Variants in OLFM3 observed in about 807,000 individuals in gnomAD.
The protein encoded by OLFM3 is olfactomedin 3, also known as noelin-3.
In OLFM3, 20 loss-of-function variants were observed where a neutral mutation model predicts 48.6. That is an observed-to-expected ratio of 0.41 (90% CI 0.29 to 0.60). The LOEUF is 0.60. Ranked by LOEUF, OLFM3 falls within the 20% of genes least tolerant of loss-of-function variation. The pLI is 0.28. For synonymous variants in OLFM3, 222 were observed against 198.1 expected, an observed-to-expected ratio of 1.12 and a Z score of -1.01; for missense variants, 437 against 544.3, an observed-to-expected ratio of 0.80 and a Z score of 1.96.
chr1:101,901,707 T>C (rs1485876997), intron 1 of OLFM3, among the ~76,000 whole-genome samples: 1 of 152,068 alleles, frequency 6.6e-6, no homozygotes, highest in Non-Finnish European at 1.5e-5. Context: ...TTTACAGACC[T>C]GACAGATAAT....
intron 1 of OLFM3, among the ~76,000 whole-genome samples, chr1:101,862,068 T>G (rs980631933): frequency 7.2e-5 from 11 of 152,194 alleles, no homozygotes; most frequent in African/African-American, 2.7e-4. Context: ...GTAAAGAGAT[T>G]AACATCAGGC....
At chr1:101,884,850 G>A (rs1037366197) in intron 1 of OLFM3, among the ~76,000 whole-genome samples, 1 of 151,914 alleles carries the variant, frequency 6.6e-6, no homozygotes, top group Non-Finnish European at 1.5e-5. Flanking sequence ...AACCCCATGA[G>A]TTCAATACCA....
At chr1:101,907,467 G>C (rs1200224545) in intron 1 of OLFM3, among the ~76,000 whole-genome samples, 1 of 152,204 alleles carries the variant, frequency 6.6e-6, no homozygotes, top group African/African-American at 2.4e-5. Flanking sequence ...GCAGGCTATA[G>C]AGAAAAATAA....
chr1:101,865,144 T>C (rs1048567421), intron 1 of OLFM3, among the ~76,000 whole-genome samples: 1 of 152,202 alleles, frequency 6.6e-6, no homozygotes. Context: ...TACCATGGAC[T>C]TTCTGAGTGG....
Position 101,804,502 on chromosome 1 carries a change from C to T in OLFM3, c.1113G>A (p.Lys371=). The stretch of plus-strand genomic sequence containing the variant: ...TCATGAAAGATTCCCCTGCACTTCT[C>T]TTGGGGTAGCCAGTGCTCCAGCTCT... ...VMKSWSTGYP[K]RSAGESFMIC... The change falls in exon 6 of 6, where the codon AAG becomes AAA. Residue 371 remains lysine, a synonymous_variant. Transcript: ENST00000370103. The surrounding 1 kb of genome is among the most constrained non-coding windows in gnomAD (Gnocchi z 4.5). The T allele has an allele frequency of 6.2e-7, 1 of 1,612,688 alleles. No individual in the cohort carries two copies. Among genetic ancestry groups the T allele is most frequent in the South Asian group, 1.1e-5 (1 of 91,060 alleles).
chr1:101,928,867 C>T (rs989979990), intron 1 of OLFM3, among the ~76,000 whole-genome samples: 1 of 152,208 alleles, frequency 6.6e-6, no homozygotes, highest in South Asian at 2.1e-4. Flanking sequence ...ATTAAAATGA[C>T]TTGCCTGAGA....
intron 1 of OLFM3, among the ~76,000 whole-genome samples, chr1:101,892,291 C>T (rs1405436778): frequency 1.3e-5 from 2 of 151,928 alleles, no homozygotes; most frequent in Admixed American, 6.6e-5. Context: ...CTTTTGTATT[C>T]TCCATAAACC....
intron 1 of OLFM3, among the ~76,000 whole-genome samples, chr1:101,867,399 T>C (rs1408897294): frequency 6.6e-6 from 1 of 152,230 alleles, no homozygotes; most frequent in Non-Finnish European, 1.5e-5. Flanking sequence ...GTTCTTAATG[T>C]TCTTAATATG....
chr1:101,932,319 A>G (rs954022808), intron 1 of OLFM3, among the ~76,000 whole-genome samples: 14 of 152,202 alleles, frequency 9.2e-5, no homozygotes, highest in Non-Finnish European at 1.9e-4. Flanking sequence ...GACTGAGAAA[A>G]GTATTACATA....
At chr1:101,886,860 A>G (rs1657780575) in intron 1 of OLFM3, among the ~76,000 whole-genome samples, 1 of 152,118 alleles carries the variant, frequency 6.6e-6, no homozygotes, top group African/African-American at 2.4e-5. Context: ...CAATTTATTC[A>G]TTAAACATTT....
At chr1:101,952,195 C>A (rs1660163469) in intron 1 of OLFM3, among the ~76,000 whole-genome samples, 3 of 152,160 alleles carry the variant, frequency 2.0e-5, no homozygotes, top group African/African-American at 7.2e-5. Context: ...AAGCCTGCCT[C>A]TATAAAGAAA....
At chr1:101,871,256 C>A (rs958016835) in intron 1 of OLFM3, among the ~76,000 whole-genome samples, 1 of 151,934 alleles carries the variant, frequency 6.6e-6, no homozygotes, top group African/African-American at 2.4e-5. Flanking sequence ...TGTCACTTAA[C>A]TATAAATCTC....
chr1:101,804,419 G>C lies in OLFM3; in HGVS notation c.1196C>G (p.Ser399Cys). Reference sequence around the variant, plus strand: ...ATATGTGGAGGTTTTGGTGGAATAGGAATAATACACCTTGGCTCCAGTTAA... The same window carrying C: ...ATATGTGGAGGTTTTGGTGGAATAGCAATAATACACCTTGGCTCCAGTTAA... ...SHLTGAKVYY[S>C]YSTKTSTYEY... is the part of the protein sequence containing the mutation. Residue 399 changes from serine (S) to cysteine (C), a missense_variant, in exon 6 of 6, where the codon TCC becomes TGC. By Grantham distance (112) the Ser-to-Cys change is moderately radical. Coordinates refer to ENST00000370103, the MANE Select transcript of OLFM3 (RefSeq NM_058170.4). This position sits in a 1 kb window ranked among gnomAD's most constrained non-coding sequence, Gnocchi z 4.5. The C allele has an allele frequency of 6.2e-7, 1 of 1,612,354 alleles. No individual in the cohort carries two copies. The highest frequency in any genetic ancestry group is 2.2e-5 in the East Asian group (1 of 44,824).
chr1:101,910,857 A>G (rs1381015918), intron 1 of OLFM3, among the ~76,000 whole-genome samples: 1 of 152,220 alleles, frequency 6.6e-6, no homozygotes, highest in East Asian at 1.9e-4. Context: ...AGATTACATA[A>G]CAGCTATATT....
chr1:101,880,757 G>A (rs1230070834), intron 1 of OLFM3, among the ~76,000 whole-genome samples: 1 of 151,814 alleles, frequency 6.6e-6, no homozygotes, highest in East Asian at 1.9e-4. Flanking sequence ...ATACCTTGGA[G>A]GAGAAAGTAA....
chr1:101,976,465 C>T (rs1022245431), intron 1 of OLFM3, among the ~76,000 whole-genome samples: 7 of 152,136 alleles, frequency 4.6e-5, no homozygotes, highest in South Asian at 2.1e-4. Flanking sequence ...CAATTACACA[C>T]GGATACAAAT....
At chr1:101,957,563 AATGTGACTGAAATAATAATGTGC>A (rs1660335066) in intron 1 of OLFM3, among the ~76,000 whole-genome samples, 1 of 152,074 alleles carries the variant, frequency 6.6e-6, no homozygotes, top group African/African-American at 2.4e-5. Context: ...TTCATAGCCA[AATGTGACTGAAATAATAATGTGC>A]ATGATTGGTT....
intron 1 of OLFM3, among the ~76,000 whole-genome samples, chr1:101,917,122 T>C (rs1220934699): frequency 6.6e-6 from 1 of 152,190 alleles, no homozygotes; most frequent in Non-Finnish European, 1.5e-5. Context: ...AGTACAATAT[T>C]CTGTTATGTG....
chr1:101,971,829 T>A (rs572649809), intron 1 of OLFM3, among the ~76,000 whole-genome samples: 42 of 152,052 alleles, frequency 2.8e-4, no homozygotes, highest in Admixed American at 6.6e-5. Flanking sequence ...TAAAGGAATC[T>A]TTTTTTGTTT....
Sources: allele counts gnomAD v4.1 joint callset (sites outside exome capture counted in the v4.1 genomes callset), GRCh38; gene constraint gnomAD v4.1.1; non-coding constraint Gnocchi (gnomAD v3.1); transcripts MANE v1.5; gene names NCBI Gene and HGNC (gene_info 2026-07-23, HGNC 2026-07-21).